INPP5A: variants seen among roughly 807,000 people sequenced by gnomAD.
INPP5A encodes inositol polyphosphate-5-phosphatase A, also known as 43 kDa inositol polyphosphate 5-phophatase.
INPP5A carries 14 observed loss-of-function variants against 65.2 expected under a neutral mutation model. The ratio of observed to expected loss-of-function variants is 0.21; its 90% confidence interval spans 0.14 to 0.34. The LOEUF (loss-of-function observed/expected upper bound fraction) is 0.34, where lower values mean the gene tolerates loss of function less well. Among genes scored for constraint, INPP5A ranks in the 10% least tolerant of loss-of-function variants. INPP5A has a pLI of 1.00. For synonymous variants in INPP5A, 207 were observed against 208.3 expected (o/e 0.99, Z 0.05); for missense variants, 431 against 545.6 (o/e 0.79, Z 2.09).
intron 11 of INPP5A, among the ~76,000 whole-genome samples, chr10:132,756,193 A>G (rs1324512278): frequency 1.3e-5 from 2 of 152,064 alleles, no homozygotes; most frequent in East Asian, 1.9e-4. Flanking sequence ...GTGTACACAT[A>G]TGTGTGTGCG....
In INPP5A at chr10:132,674,086, CTTGA is replaced by C. The variant is rs1268199487; in HGVS notation, c.307-16303_307-16300del. Among the ~76,000 whole-genome samples, 2 of 152,244 alleles carry C rather than the reference CTTGA, an allele frequency of 1.3e-5. No individual in the cohort carries two copies. Among genetic ancestry groups the C allele is most frequent in the South Asian group, 2.1e-4 (1 of 4,832 alleles). On this transcript the variant is annotated intron_variant, in intron 4 of 15. Transcript: ENST00000368594. The surrounding 1 kb of genome is among the most constrained non-coding windows in gnomAD (Gnocchi z 4.4). ...TCCACAGAAGGGGTCATCCTGTCCA[CTTGA>C]TTATTTAAATGCTCCTCTGCTGAGG...
chr10:132,751,400 C>T (rs137939203), intron 11 of INPP5A, among the ~76,000 whole-genome samples: 9 of 152,348 alleles, frequency 5.9e-5, no homozygotes, highest in South Asian at 2.1e-4. Flanking sequence ...TTTCCTCCTG[C>T]GCCATGTGTG....
chr10:132,755,489 AGT>A (rs1846584532), intron 11 of INPP5A, among the ~76,000 whole-genome samples: 1 of 133,710 alleles, frequency 7.5e-6, no homozygotes, highest in Non-Finnish European at 1.6e-5. Flanking sequence ...TACGCATATG[AGT>A]GGGTGTGTGC....
Position 132,550,601 on chromosome 10 carries a change from G to A in INPP5A, c.75+12430G>A, listed in dbSNP as rs2071037390. 6.6e-6 allele frequency among the ~76,000 whole-genome samples: 1 copy of A among 152,266 alleles called. No homozygotes were observed. Among genetic ancestry groups the A allele is most frequent in the Admixed American group, 6.5e-5 (1 of 15,294 alleles). On this transcript the variant is annotated intron_variant, in intron 1 of 15. Transcript: ENST00000368594. The surrounding 1 kb of genome is among the most constrained non-coding windows in gnomAD (Gnocchi z 4.2). ...GCCGCATGGTACGAACCTTCTGAAT[G>A]CAAGTGGCCAAGCCGGCATTCTGGC...
In INPP5A at chr10:132,651,390, C is replaced by T. The variant is rs1295807777; in HGVS notation, c.306+885C>T. ...CCCGGCCTGGGTCCATCTCCCCCGT[C>T]TCTGGGGAGGCCCTGGGTCCCCCGG... On this transcript the variant is annotated intron_variant, in intron 4 of 15. Coordinates refer to ENST00000368594, the MANE Select transcript of INPP5A (RefSeq NM_005539.5). The surrounding 1 kb of genome is among the most constrained non-coding windows in gnomAD (Gnocchi z 5.0). 2.1e-5 allele frequency among the ~76,000 whole-genome samples: 3 copies of T among 142,324 alleles called. No homozygotes were observed. Among genetic ancestry groups the T allele is most frequent in the African/African-American group, 7.9e-5 (3 of 37,930 alleles). 93.4% of individuals were successfully genotyped at this position (142,324 alleles called of 152,430 possible).
intron 14 of INPP5A, 33 bp from the exon 15 acceptor site, chr10:132,781,821 GCGTGCGC>G: frequency 6.5e-7 from 1 of 1,539,584 alleles, no homozygotes; most frequent in Non-Finnish European, 9.0e-7. Flanking sequence ...GTGCTGTCCC[GCGTGCGC>G]CGTGCTGACA....
At chr10:132,683,790 C>T (rs190503638) in intron 4 of INPP5A, among the ~76,000 whole-genome samples, 4 of 152,370 alleles carry the variant, frequency 2.6e-5, no homozygotes, top group East Asian at 3.9e-4. Flanking sequence ...TCTTGGCTCA[C>T]TGCGACCTCT....
At chr10:132,757,164 C>T (rs1447621527) in intron 11 of INPP5A, among the ~76,000 whole-genome samples, 5 of 152,180 alleles carry the variant, frequency 3.3e-5, no homozygotes, top group African/African-American at 4.8e-5. Context: ...TTATGTTACT[C>T]TTAGCGTCTC....
chr10:132,719,089 T>A (rs1034329643), intron 8 of INPP5A, among the ~76,000 whole-genome samples: 1 of 148,844 alleles, frequency 6.7e-6, no homozygotes, highest in Non-Finnish European at 1.5e-5. Flanking sequence ...CTGTGGTACC[T>A]GGGTTCTGTC....
At chr10:132,677,621 G>A (rs1051313955) in intron 4 of INPP5A, among the ~76,000 whole-genome samples, 9 of 152,190 alleles carry the variant, frequency 5.9e-5, no homozygotes, top group Non-Finnish European at 8.8e-5. Flanking sequence ...AGGCCATCTC[G>A]TTCCATTTCA....
At chr10:132,669,121 T>C (rs1013580756) in intron 4 of INPP5A, among the ~76,000 whole-genome samples, 3 of 152,014 alleles carry the variant, frequency 2.0e-5, no homozygotes, top group Non-Finnish European at 2.9e-5. Flanking sequence ...GGCGTGGTGG[T>C]GGGCGCCTGT....
chr10:132,602,002 A>T (rs2071782618), intron 1 of INPP5A, among the ~76,000 whole-genome samples: 1 of 152,216 alleles, frequency 6.6e-6, no homozygotes, highest in Non-Finnish European at 1.5e-5. Flanking sequence ...CTGTTTCTGC[A>T]AAAGAAAGTC....
Position 132,627,315 on chromosome 10 carries a change from TG to T in INPP5A, c.118-18552del, listed in dbSNP as rs2072197982. Among the ~76,000 whole-genome samples the T allele has an allele frequency of 2.0e-5, 3 of 151,882 alleles. No homozygotes were observed. Among genetic ancestry groups the T allele is most frequent in the Admixed American group, 2.0e-4 (3 of 15,268 alleles). ...CAGGCTGGGAATACCTCACCTTGGG[TG>T]CTCCCAGGAGGCTTCACGGGGAGAC... On this transcript the variant is annotated intron_variant, in intron 2 of 15. Coordinates refer to ENST00000368594, the MANE Select transcript of INPP5A (RefSeq NM_005539.5). This position sits in a 1 kb window ranked among gnomAD's most constrained non-coding sequence, Gnocchi z 6.6.
intron 9 of INPP5A, among the ~76,000 whole-genome samples, chr10:132,736,919 C>T (rs915928917): frequency 2.0e-5 from 3 of 152,252 alleles, no homozygotes; most frequent in Non-Finnish European, 2.9e-5. Context: ...TGTTGAGCCC[C>T]TCTGCCCCCT....
At chr10:132,749,461 C>T (rs1846431659) in intron 9 of INPP5A, 56 bp from the exon 10 acceptor site, 11 of 1,497,290 alleles carry the variant, frequency 7.3e-6, no homozygotes, top group Non-Finnish European at 1.0e-5. Flanking sequence ...TCGGGTGACG[C>T]TGCCATGGGC....
Position 132,644,580 on chromosome 10 carries a change from C to A in INPP5A, c.118-1288C>A, listed in dbSNP as rs951182648. 2.0e-5 allele frequency among the ~76,000 whole-genome samples: 3 copies of A among 152,234 alleles called. No individual in the cohort carries two copies. The highest frequency in any genetic ancestry group is 1.3e-4 in the Admixed American group (2 of 15,288). On this transcript the variant is annotated intron_variant, in intron 2 of 15. Coordinates refer to ENST00000368594, the MANE Select transcript of INPP5A (RefSeq NM_005539.5). This position sits in a 1 kb window ranked among gnomAD's most constrained non-coding sequence, Gnocchi z 6.5. ...TGGCTCACAGTGAGTGCCGTGTCGT[C>A]GTGAGCACCTCCAGGCTCCCAAGCC...
chr10:132,737,924 T>G (rs1021504766), intron 9 of INPP5A, among the ~76,000 whole-genome samples: 5 of 152,244 alleles, frequency 3.3e-5, no homozygotes, highest in African/African-American at 1.2e-4. Flanking sequence ...TAGGGGATTT[T>G]TTCTAGGAAG....
Position 132,649,660 on chromosome 10 carries a change from G to A in INPP5A, c.219-758G>A, listed in dbSNP as rs61862797. On this transcript the variant is annotated intron_variant, in intron 3 of 15. Coordinates refer to ENST00000368594, the MANE Select transcript of INPP5A (RefSeq NM_005539.5). ...GGACTGGCTGGATCACAGGGTGCTG[G>A]TCTCCTCTCTCCCCACTGGCTTGAA... 6.8e-3 allele frequency among the ~76,000 whole-genome samples: 1,042 copies of A among 152,194 alleles called. 7 individuals are homozygous for A. Among genetic ancestry groups the A allele is most frequent in the Non-Finnish European group, 0.011 (754 of 68,022 alleles).
At chr10:132,568,915 T>C (rs1272463264) in intron 1 of INPP5A, among the ~76,000 whole-genome samples, 2 of 148,784 alleles carry the variant, frequency 1.3e-5, no homozygotes, top group Non-Finnish European at 3.0e-5. Flanking sequence ...ACCGGCATTT[T>C]TTTTTTTTTT....
Sources: allele counts gnomAD v4.1 joint callset (sites outside exome capture counted in the v4.1 genomes callset), GRCh38; gene constraint gnomAD v4.1.1; non-coding constraint Gnocchi (gnomAD v3.1); transcripts MANE v1.5; gene names NCBI Gene and HGNC (gene_info 2026-07-23, HGNC 2026-07-21).